The following DPYD variants were observed in gnomAD, a reference collection of about 807,000 sequenced individuals.
DPYD encodes the protein dihydropyrimidine dehydrogenase [NADP(+)].
DPYD carries 109 observed loss-of-function variants against 116.2 expected under a neutral mutation model. The ratio of observed to expected loss-of-function variants is 0.94; its 90% CI spans 0.80 to 1.10. The LOEUF (loss-of-function observed/expected upper bound fraction) is 1.10, where lower values mean the gene tolerates loss of function less well. DPYD is among the 50% of genes least tolerant of loss of function. The pLI, the probability that DPYD is intolerant of heterozygous loss-of-function variation, is 0.00. For synonymous variants in DPYD, 440 were observed against 432.0 expected, an observed-to-expected ratio of 1.02 and a Z score of -0.23; for missense variants, 1,302 against 1,254.5, an observed-to-expected ratio of 1.04 and a Z score of -0.57.
At chr1:97,596,927 C>T (rs929094139) in intron 8 of DPYD, among the ~76,000 whole-genome samples, 4 of 152,200 alleles carry the variant, frequency 2.6e-5, no homozygotes, top group Non-Finnish European at 4.4e-5. Flanking sequence ...CCTCACCTGC[C>T]TTTGCCTCAG....
intron 4 of DPYD, 107 bp from the exon 5 acceptor site, chr1:97,721,778 T>C: frequency 9.0e-7 from 1 of 1,107,866 alleles, no homozygotes; most frequent in South Asian, 1.4e-5. Context: ...TTGAAGATAA[T>C]GATGTGTATA....
At chr1:97,578,050 T>C (rs1466753371) in intron 10 of DPYD, among the ~76,000 whole-genome samples, 1 of 152,072 alleles carries the variant, frequency 6.6e-6, no homozygotes, top group Admixed American at 6.5e-5. Flanking sequence ...TTCACTCTGT[T>C]GGCCAGGTTG....
intron 16 of DPYD, among the ~76,000 whole-genome samples, chr1:97,312,072 A>ATG (rs1048280103): frequency 3.3e-5 from 5 of 151,678 alleles, no homozygotes; most frequent in African/African-American, 7.3e-5. Context: ...AAAAATATAT[A>ATG]TGTGTGTGTG....
chr1:97,599,516 T>C (rs533405012), intron 8 of DPYD, among the ~76,000 whole-genome samples: 3 of 152,254 alleles, frequency 2.0e-5, no homozygotes, highest in East Asian at 3.9e-4. Context: ...CTTGTGTTAC[T>C]TCACCAAGCC....
chr1:97,682,922 G>A (rs973461781), intron 7 of DPYD, among the ~76,000 whole-genome samples: 2 of 152,040 alleles, frequency 1.3e-5, no homozygotes, highest in African/African-American at 4.8e-5. Context: ...AGTTCTGAAT[G>A]TCATATACCC....
chr1:97,592,684 T>C (rs753890971), intron 10 of DPYD, among the ~76,000 whole-genome samples: 1 of 152,178 alleles, frequency 6.6e-6, no homozygotes, highest in Non-Finnish European at 1.5e-5. Context: ...ATTTTTAGTA[T>C]GCTAACTAAC....
chr1:97,770,089 T>C lies in DPYD; in HGVS notation c.234-29610A>G, dbSNP rs1281140501. Among the ~76,000 whole-genome samples the C allele has an allele frequency of 3.3e-5, 5 of 152,214 alleles. No individual in the cohort carries two copies. In the East Asian group the frequency reaches 9.6e-4, roughly 29 times the overall value. ...GCATTTTGGCAGAAGGAACTGCAAA[T>C]GCAAAGGGCCAGTGCTCATTAATAT... On this transcript the variant is annotated intron_variant, in intron 3 of 22. Coordinates refer to ENST00000370192, the MANE Select transcript of DPYD (RefSeq NM_000110.4).
chr1:97,150,678 T>C (rs539441783), intron 20 of DPYD, among the ~76,000 whole-genome samples: 1 of 152,306 alleles, frequency 6.6e-6, no homozygotes, highest in East Asian at 1.9e-4. Context: ...CACTGCATCA[T>C]CTGCTTTCAT....
intron 20 of DPYD, among the ~76,000 whole-genome samples, chr1:97,133,865 G>A (rs1381193102): frequency 6.6e-6 from 1 of 150,504 alleles, no homozygotes; most frequent in African/African-American, 2.4e-5. Flanking sequence ...CAGGTGTTAC[G>A]GCATGCGCCT....
chr1:97,203,916 T>G (rs1436861636), intron 19 of DPYD, among the ~76,000 whole-genome samples: 1 of 151,762 alleles, frequency 6.6e-6, no homozygotes, highest in African/African-American at 2.4e-5. Context: ...CAGTAGTTGG[T>G]GTGATAGTTA....
chr1:97,341,691 T>C (rs1047070401), intron 16 of DPYD, among the ~76,000 whole-genome samples: 3 of 152,216 alleles, frequency 2.0e-5, no homozygotes, highest in Non-Finnish European at 2.9e-5. Context: ...GCTGACTTTC[T>C]GGTCAGCCAT....
At chr1:97,556,858 T>C (rs1303457320) in intron 11 of DPYD, among the ~76,000 whole-genome samples, 3 of 150,828 alleles carry the variant, frequency 2.0e-5, no homozygotes, top group African/African-American at 4.8e-5. Flanking sequence ...TATAGTCCTT[T>C]GGGTATATAC....
chr1:97,521,728 A>G (rs980060579), intron 12 of DPYD, among the ~76,000 whole-genome samples: 7 of 152,232 alleles, frequency 4.6e-5, no homozygotes, highest in Non-Finnish European at 1.0e-4. Flanking sequence ...CCAATGGAAC[A>G]GAACAGAACC....
chr1:97,492,106 T>C (rs1469109595), intron 13 of DPYD, among the ~76,000 whole-genome samples: 3 of 152,156 alleles, frequency 2.0e-5, no homozygotes, highest in South Asian at 2.1e-4. Flanking sequence ...CTATGTGATA[T>C]TTGACATTAC....
intron 19 of DPYD, among the ~76,000 whole-genome samples, chr1:97,230,439 C>T (rs1046285344): frequency 1.3e-5 from 2 of 152,024 alleles, no homozygotes; most frequent in African/African-American, 4.8e-5. Context: ...ATTATGAGAA[C>T]ACATGAACAC....
At chr1:97,449,787 A>G (rs1437826382) in intron 14 of DPYD, among the ~76,000 whole-genome samples, 1 of 152,142 alleles carries the variant, frequency 6.6e-6, no homozygotes, top group Non-Finnish European at 1.5e-5. Flanking sequence ...AACTCAATAA[A>G]ATGAGTATTT....
chr1:97,801,835 T>G (rs1169338778), intron 3 of DPYD, among the ~76,000 whole-genome samples: 2 of 151,358 alleles, frequency 1.3e-5, no homozygotes, highest in African/African-American at 4.9e-5. Flanking sequence ...CTGCTTAGCA[T>G]GTTTTTTTCC....
At chr1:97,366,123 G>C (rs1671025241) in intron 16 of DPYD, among the ~76,000 whole-genome samples, 1 of 152,132 alleles carries the variant, frequency 6.6e-6, no homozygotes, top group African/African-American at 2.4e-5. Context: ...AAAACTCATA[G>C]AGAACCAGCT....
chr1:97,080,438 T>G (rs1649074747), intron 22 of DPYD, among the ~76,000 whole-genome samples: 1 of 152,120 alleles, frequency 6.6e-6, no homozygotes, highest in African/African-American at 2.4e-5. Context: ...TTTTCTCTTT[T>G]ATGCACATAT....
Sources: allele counts gnomAD v4.1 joint callset (sites outside exome capture counted in the v4.1 genomes callset), GRCh38; gene constraint gnomAD v4.1.1; transcripts MANE v1.5; gene names NCBI Gene and HGNC (gene_info 2026-07-23, HGNC 2026-07-21).